The following TMPRSS9 variants were observed in gnomAD, a reference collection of about 807,000 sequenced individuals.
The protein encoded by TMPRSS9 is transmembrane protease serine 9.
Under a neutral mutation model 111.4 loss-of-function variants are expected in TMPRSS9, and 113 were observed. The observed-to-expected ratio is 1.01, with a 90% CI of 0.87 to 1.19. The LOEUF is 1.19. Ranked by LOEUF, TMPRSS9 falls within the 50% of genes most tolerant of loss-of-function variation. The pLI is 0.00. For synonymous variants in TMPRSS9, 805 were observed against 659.1 expected, an observed-to-expected ratio of 1.22 and a Z score of -3.39; for missense variants, 1,803 against 1,513.1, an observed-to-expected ratio of 1.19 and a Z score of -3.18.
At chr19:2,374,247 T>A (rs1970312300) in intron 1 of TMPRSS9, among the ~76,000 whole-genome samples, 2 of 117,218 alleles carry the variant, frequency 1.7e-5, no homozygotes, top group Non-Finnish European at 1.7e-5. Context: ...CTCTCAACAA[T>A]CTTTTTTTTT....
intron 7 of TMPRSS9, among the ~76,000 whole-genome samples, chr19:2,407,096 G>A (rs941207206): frequency 2.6e-5 from 4 of 151,516 alleles, no homozygotes; most frequent in African/African-American, 9.7e-5. Flanking sequence ...CACTGCACCC[G>A]GCTCGATATC....
chr19:2,425,409 G>A, exon 17 of TMPRSS9: 1 of 1,574,058 alleles, frequency 6.4e-7, no homozygotes, highest in South Asian at 1.1e-5. Flanking sequence ...TCAGCGAGCA[G>A]ACCTGCCGCC....
chr19:2,414,233 C>A, intron 10 of TMPRSS9: 1 of 509,232 alleles, frequency 2.0e-6, no homozygotes, highest in Non-Finnish European at 3.4e-6. Context: ...GGCGATCTAT[C>A]AATGGGATAC....
At chr19:2,415,923 C>CAGCA in intron 11 of TMPRSS9, 82 bp downstream of exon 12, 1 of 1,458,728 alleles carries the variant, frequency 6.9e-7, no homozygotes, top group Non-Finnish European at 9.1e-7. Flanking sequence ...CCTGCTGGGG[C>CAGCA]TGCTGCATGG....
At chr19:2,398,929 G>C in intron 3 of TMPRSS9, 67 bp downstream of exon 4, 22 of 1,534,372 alleles carry the variant, frequency 1.4e-5, no homozygotes, top group Non-Finnish European at 1.8e-5. Flanking sequence ...GAGGAGTCCA[G>C]AAAAGTTTGG....
chr19:2,413,186 C>T (rs941510387), intron 9 of TMPRSS9, among the ~76,000 whole-genome samples: 3 of 152,076 alleles, frequency 2.0e-5, no homozygotes, highest in Non-Finnish European at 2.9e-5. Context: ...CAGAGCAAAA[C>T]TCTATCTCAA....
upstream of TMPRSS9, among the ~76,000 whole-genome samples, chr19:2,387,533 G>GGGAAA (rs1970502531): frequency 7.5e-6 from 1 of 133,040 alleles, no homozygotes; most frequent in Admixed American, 7.1e-5. Flanking sequence ...AGGAAGGGAA[G>GGGAAA]GGAAAGGAAG....
chr19:2,384,890 G>A (rs1224763770), upstream of TMPRSS9, among the ~76,000 whole-genome samples: 1 of 150,380 alleles, frequency 6.6e-6, no homozygotes, highest in Non-Finnish European at 1.5e-5. Context: ...GCTGAGGCAG[G>A]AGAATTGCTT....
At chr19:2,412,703 A>C (rs1162401290) in intron 9 of TMPRSS9, among the ~76,000 whole-genome samples, 1 of 152,124 alleles carries the variant, frequency 6.6e-6, no homozygotes, top group African/African-American at 2.4e-5. Context: ...TCTGGTCCAC[A>C]ACCAGGGATC....
chr19:2,404,386 T>C (rs75783512), intron 6 of TMPRSS9, among the ~76,000 whole-genome samples: 11,435 of 151,484 alleles, frequency 0.075, 514 homozygotes, highest in African/African-American at 0.13. Context: ...AAAAAGCTAT[T>C]TAGAATAAAG....
At chr19:2,421,897 T>G (rs1971469557) in exon 14 of TMPRSS9, 1 of 1,612,348 alleles carries the variant, frequency 6.2e-7, no homozygotes, top group East Asian at 2.2e-5. Flanking sequence ...GCCCCTGGCG[T>G]GTTTTATCTG....
intron 13 of TMPRSS9, among the ~76,000 whole-genome samples, chr19:2,419,437 C>G (rs1030344744): frequency 6.6e-6 from 1 of 151,382 alleles, no homozygotes; most frequent in African/African-American, 2.4e-5. Context: ...CTCCTGATGT[C>G]GTGATCTGCC....
chr19:2,413,873 G>T, exon 10 of TMPRSS9: 1 of 1,613,592 alleles, frequency 6.2e-7, no homozygotes, highest in Non-Finnish European at 8.5e-7. Context: ...GCATGCCTCT[G>T]GCCCCCACCA....
chr19:2,387,331 C>G (rs149185539), upstream of TMPRSS9, among the ~76,000 whole-genome samples: 329 of 152,166 alleles, frequency 2.2e-3, 3 homozygotes, highest in African/African-American at 7.6e-3. Flanking sequence ...CCCCTCTCTA[C>G]TAAAAATATA....
rs760496860 is a variant in TMPRSS9, at chr19:2,399,110, T to A, written c.431T>A (p.Leu144Ter). Residue 144 changes from leucine to a stop codon, truncating the protein, a stop_gained, in exon 4 of 18, where the codon TTG becomes TAG. Coordinates refer to ENST00000648592, the Ensembl canonical transcript of TMPRSS9. LOFTEE classifies it high-confidence loss of function. ...AGCCTGGGCCTGGAGGAGGAGCTAT[T>A]GCAGCGAGGGATCCGGGCAAGGCTG... 39 of 1,613,604 alleles carry A rather than the reference T, an allele frequency of 2.4e-5. No homozygotes were observed. In the South Asian group the frequency reaches 3.5e-4, roughly 15 times the overall value.
exon 2 of TMPRSS9, chr19:2,396,549 T>C (rs916096762): frequency 3.7e-6 from 6 of 1,608,216 alleles, no homozygotes; most frequent in Non-Finnish European, 5.1e-6. Context: ...CCTTCCTCTC[T>C]ACACAGGGCT....
intron 2 of TMPRSS9, among the ~76,000 whole-genome samples, chr19:2,398,322 A>T (rs1351588447): frequency 6.7e-5 from 10 of 148,560 alleles, no homozygotes; most frequent in Admixed American, 1.3e-4. Context: ...TAAAAAATTT[A>T]AAAATAAAAC....
At chr19:2,411,385 C>G (rs1455198736) in intron 9 of TMPRSS9, among the ~76,000 whole-genome samples, 1 of 126,940 alleles carries the variant, frequency 7.9e-6, no homozygotes, top group Non-Finnish European at 1.6e-5. Context: ...CTGGAACCTT[C>G]TTTTTCTTCT....
rs540135701 is a variant in TMPRSS9, at chr19:2,360,683, G to A, written c.-26+323G>A. On this transcript the variant is annotated intron_variant, in intron 1 of 17. Coordinates refer to the TMPRSS9 transcript ENST00000649857. Reference sequence around the variant, plus strand: ...GCGGCGTGTAGATGCGGCAGGGGTTGTGTGGACGCAGGTGTGGTGTGTAGA... The same window carrying A: ...GCGGCGTGTAGATGCGGCAGGGGTTATGTGGACGCAGGTGTGGTGTGTAGA... Among the ~76,000 whole-genome samples the A allele has an allele frequency of 3.3e-5, 5 of 152,006 alleles. No homozygotes were observed. In the East Asian group the frequency reaches 7.8e-4, roughly 24 times the overall value.
Sources: allele counts gnomAD v4.1 joint callset (sites outside exome capture counted in the v4.1 genomes callset), GRCh38; gene constraint gnomAD v4.1.1; transcripts MANE v1.5; gene names NCBI Gene and HGNC (gene_info 2026-07-23, HGNC 2026-07-21).